The following LYPLAL1 variants were observed in gnomAD, a reference collection of about 807,000 sequenced individuals.
LYPLAL1 encodes lysophospholipase like 1.
A neutral mutation model predicts 19.7 loss-of-function variants in LYPLAL1; 23 were observed. The ratio of observed to expected loss-of-function variants is 1.17; its 90% CI spans 0.84 to 1.65. The LOEUF (loss-of-function observed/expected upper bound fraction) is 1.65. Ranked by LOEUF, LYPLAL1 falls within the 40% of genes most tolerant of loss-of-function variation. The pLI is 0.00. For synonymous variants in LYPLAL1, 119 were observed against 96.3 expected, an observed-to-expected ratio of 1.24 and a Z score of -1.38; for missense variants, 355 against 279.4, an observed-to-expected ratio of 1.27 and a Z score of -1.93.
the LYPLAL1 span, among the ~76,000 whole-genome samples, chr1:219,262,783 T>C: frequency 4.6e-5 from 7 of 152,184 alleles, no homozygotes; most frequent in Non-Finnish European, 8.8e-5. Flanking sequence ...GTTGTAGTTA[T>C]GTTTAGCGTT....
At chr1:219,234,601 A>G in the LYPLAL1 span, among the ~76,000 whole-genome samples, 2 of 152,184 alleles carry the variant, frequency 1.3e-5, no homozygotes, top group African/African-American at 4.8e-5. Context: ...AGGTCAAACT[A>G]GAAGAAAACT....
At chr1:219,290,570 G>A in the LYPLAL1 span, among the ~76,000 whole-genome samples, 3 of 151,952 alleles carry the variant, frequency 2.0e-5, no homozygotes, top group Admixed American at 2.0e-4. Context: ...CCTATGATAT[G>A]TTGTTGTTGT....
the LYPLAL1 span, among the ~76,000 whole-genome samples, chr1:219,393,226 T>C: frequency 6.6e-6 from 1 of 152,190 alleles, no homozygotes; most frequent in Admixed American, 6.5e-5. Context: ...CCTGGGGACA[T>C]ATCAATGTCC....
the LYPLAL1 span, among the ~76,000 whole-genome samples, chr1:219,412,530 A>C: frequency 6.6e-6 from 1 of 152,236 alleles, no homozygotes; most frequent in African/African-American, 2.4e-5. Flanking sequence ...GCATAGCATG[A>C]TACCTGTCAC....
chr1:219,260,603 A>G, the LYPLAL1 span, among the ~76,000 whole-genome samples: 1 of 149,330 alleles, frequency 6.7e-6, no homozygotes, highest in Admixed American at 6.7e-5. Context: ...AATACAATAA[A>G]GAACTTCATT....
At chr1:219,195,726 G>A (rs539972073) in intron 3 of LYPLAL1, among the ~76,000 whole-genome samples, 1 of 152,226 alleles carries the variant, frequency 6.6e-6, no homozygotes, top group African/African-American at 2.4e-5. Context: ...ACATGTGCAG[G>A]ACATGCAGGT....
chr1:219,361,690 A>G, the LYPLAL1 span, among the ~76,000 whole-genome samples: 3 of 152,130 alleles, frequency 2.0e-5, no homozygotes, highest in African/African-American at 7.2e-5. Context: ...GAAACAGGAA[A>G]AGTTGCTTTT....
intron 3 of LYPLAL1, chr1:219,200,150 A>T (rs994102478): frequency 4.2e-6 from 1 of 235,876 alleles, no homozygotes; most frequent in African/African-American, 2.3e-5. Flanking sequence ...AAACTCTTCT[A>T]CATGCTTCTG....
At chr1:219,421,782 A>G in the LYPLAL1 span, among the ~76,000 whole-genome samples, 2 of 152,134 alleles carry the variant, frequency 1.3e-5, no homozygotes, top group African/African-American at 4.8e-5. Context: ...AGTTTCTCGG[A>G]AAAAAAGGTA....
chr1:219,244,771 C>T, the LYPLAL1 span, among the ~76,000 whole-genome samples: 2 of 151,982 alleles, frequency 1.3e-5, no homozygotes, highest in African/African-American at 4.8e-5. Flanking sequence ...CATGGTGAGA[C>T]CCTATCGCTA....
the LYPLAL1 span, among the ~76,000 whole-genome samples, chr1:219,250,204 G>T: frequency 6.6e-6 from 1 of 151,968 alleles, no homozygotes; most frequent in East Asian, 1.9e-4. Flanking sequence ...ATATGGTATA[G>T]AAGGAATCAA....
chr1:219,242,621 TGTATTG>T, the LYPLAL1 span, among the ~76,000 whole-genome samples: 2 of 152,072 alleles, frequency 1.3e-5, no homozygotes, highest in Non-Finnish European at 1.5e-5. Context: ...TCCATCATTG[TGTATTG>T]GTTGGGAGTA....
At chr1:219,202,483 C>A (rs964402186) in intron 3 of LYPLAL1, among the ~76,000 whole-genome samples, 8 of 152,098 alleles carry the variant, frequency 5.3e-5, no homozygotes, top group African/African-American at 1.9e-4. Flanking sequence ...ACAAGAGTTA[C>A]TGTTTAGTAT....
chr1:219,409,991 C>T, the LYPLAL1 span: 6 of 152,122 alleles, frequency 3.9e-5, no homozygotes, highest in Admixed American at 1.3e-4. Flanking sequence ...TTCATTTTTA[C>T]TCTTTCGGAT....
chr1:219,231,484 A>C, the LYPLAL1 span, among the ~76,000 whole-genome samples: 1 of 152,226 alleles, frequency 6.6e-6, no homozygotes, highest in East Asian at 1.9e-4. Context: ...TAATAAGCAC[A>C]CATGTATGTA....
chr1:219,414,992 A>G, the LYPLAL1 span, among the ~76,000 whole-genome samples: 2 of 152,232 alleles, frequency 1.3e-5, no homozygotes, highest in Non-Finnish European at 2.9e-5. Context: ...AACCACAGCA[A>G]GGCACATTAT....
chr1:219,240,089 G>A, the LYPLAL1 span, among the ~76,000 whole-genome samples: 1 of 152,202 alleles, frequency 6.6e-6, no homozygotes, highest in Admixed American at 6.5e-5. Flanking sequence ...TGATTTCATA[G>A]CATATTACAC....
chr1:219,433,256 A>C, the LYPLAL1 span, among the ~76,000 whole-genome samples: 1 of 152,140 alleles, frequency 6.6e-6, no homozygotes, highest in Non-Finnish European at 1.5e-5. Context: ...CCACCTAGGG[A>C]ACTGTCCTGC....
At chr1:219,373,007 A>G in the LYPLAL1 span, among the ~76,000 whole-genome samples, 14 of 152,244 alleles carry the variant, frequency 9.2e-5, no homozygotes, top group African/African-American at 3.4e-4. Context: ...CAGTGCCCCA[A>G]CATTGTCCTA....
Sources: allele counts gnomAD v4.1 joint callset (sites outside exome capture counted in the v4.1 genomes callset), GRCh38; gene constraint gnomAD v4.1.1; transcripts MANE v1.5; gene names NCBI Gene and HGNC (gene_info 2026-07-23, HGNC 2026-07-21).